Variants in SFRP1 observed in about 807,000 individuals in gnomAD.
The protein encoded by SFRP1 is secreted frizzled related protein 1.
A neutral mutation model predicts 25.9 loss-of-function variants in SFRP1; 9 were observed. The ratio of observed to expected loss-of-function variants is 0.35; its 90% CI spans 0.21 to 0.61. The LOEUF (loss-of-function observed/expected upper bound fraction) is 0.61, where lower values mean the gene tolerates loss of function less well. Among genes scored for constraint, SFRP1 ranks in the 20% least tolerant of loss-of-function variants. The probability of loss-of-function intolerance (pLI) is 0.78; values close to 1 mark genes in which losing one functional copy is unlikely to be tolerated. For synonymous variants in SFRP1, 178 were observed against 174.0 expected (o/e 1.02, Z -0.18); for missense variants, 346 against 418.2 (o/e 0.83, Z 1.51).
intron 2 of SFRP1, among the ~76,000 whole-genome samples, chr8:41,293,139 A>G (rs1040611181): frequency 2.6e-5 from 4 of 152,182 alleles, no homozygotes; most frequent in Admixed American, 6.5e-5. Context: ...CCTCACAGCT[A>G]TGCACTCCCT....
At chr8:41,300,089 C>A (rs1398410564) in intron 2 of SFRP1, among the ~76,000 whole-genome samples, 1 of 152,308 alleles carries the variant, frequency 6.6e-6, no homozygotes, top group South Asian at 2.1e-4. Flanking sequence ...AACTGCCCGT[C>A]AGAGTAAAAC....
intron 2 of SFRP1, among the ~76,000 whole-genome samples, chr8:41,300,574 T>C (rs541607022): frequency 3.3e-5 from 5 of 152,298 alleles, no homozygotes; most frequent in Admixed American, 6.5e-5. Context: ...GAGGCAGGAA[T>C]TAACCTCACC....
intron 2 of SFRP1, among the ~76,000 whole-genome samples, chr8:41,270,020 C>T (rs1183988713): frequency 1.3e-5 from 2 of 152,208 alleles, no homozygotes; most frequent in African/African-American, 4.8e-5. Flanking sequence ...CCCCTCAACC[C>T]TAAGTGCCGA....
At chr8:41,291,063 G>C (rs985393441) in intron 2 of SFRP1, among the ~76,000 whole-genome samples, 5 of 150,888 alleles carry the variant, frequency 3.3e-5, no homozygotes, top group African/African-American at 1.2e-4. Flanking sequence ...CCCGCCACCA[G>C]GCCCCGCTAT....
At chr8:41,268,874 T>C (rs1440804495) in intron 2 of SFRP1, among the ~76,000 whole-genome samples, 1 of 152,336 alleles carries the variant, frequency 6.6e-6, no homozygotes, top group Non-Finnish European at 1.5e-5. Flanking sequence ...GCCCCAGCGA[T>C]GTTGCCCATG....
At chr8:41,300,957 T>A (rs567398706) in intron 2 of SFRP1, among the ~76,000 whole-genome samples, 3 of 152,202 alleles carry the variant, frequency 2.0e-5, no homozygotes, top group Admixed American at 2.0e-4. Context: ...GGGGAAAAAA[T>A]GTGCCCTGAA....
At chr8:41,302,032 T>C (rs1179052241) in intron 2 of SFRP1, among the ~76,000 whole-genome samples, 2 of 152,232 alleles carry the variant, frequency 1.3e-5, no homozygotes, top group Non-Finnish European at 2.9e-5. Context: ...ATCCTCCAAC[T>C]TCTGTCTTTT....
intron 1 of SFRP1, 114 bp downstream of exon 1, chr8:41,308,502 G>T: frequency 1.2e-6 from 1 of 843,034 alleles, no homozygotes; most frequent in Non-Finnish European, 1.8e-6. Flanking sequence ...CGGGCCCTCA[G>T]TCCCCAGCAC....
At chr8:41,273,695 G>A (rs185615163) in intron 2 of SFRP1, among the ~76,000 whole-genome samples, 1 of 152,244 alleles carries the variant, frequency 6.6e-6, no homozygotes, top group Admixed American at 6.5e-5. Context: ...GGAAAAGGAA[G>A]GCTTAGGATG....
chr8:41,287,170 T>A (rs1803715630), intron 2 of SFRP1, among the ~76,000 whole-genome samples: 1 of 152,168 alleles, frequency 6.6e-6, no homozygotes, highest in African/African-American at 2.4e-5. Flanking sequence ...GGCCCTCACA[T>A]CTGTTTTCTT....
chr8:41,309,005 T>C lies in SFRP1; in HGVS notation c.155A>G (p.Tyr52Cys), dbSNP rs749781995. ...DIGPYQSGRF[Y>C]TKPPQCVDIP... Reference sequence around the variant, plus strand: ...GTCCACGCACTGAGGTGGCTTGGTGTAGAAGCGCCCGCTCTGGTACGGGCC... The same window carrying C: ...GTCCACGCACTGAGGTGGCTTGGTGCAGAAGCGCCCGCTCTGGTACGGGCC... The change falls in exon 1 of 3, where the codon TAC becomes TGC. Residue 52 changes from tyrosine to cysteine, a missense_variant. Physicochemically the swap from Tyr to Cys is radical, Grantham distance 194. Transcript: ENST00000220772. The C allele has an allele frequency of 1.2e-6, 2 of 1,612,290 alleles. No individual in the cohort carries two copies. Among genetic ancestry groups the C allele is most frequent in the African/African-American group, 2.7e-5 (2 of 74,936 alleles).
At chr8:41,273,424 A>C (rs1294482005) in intron 2 of SFRP1, among the ~76,000 whole-genome samples, 1 of 152,122 alleles carries the variant, frequency 6.6e-6, no homozygotes, top group Admixed American at 6.5e-5. Flanking sequence ...CTCGGGAGGC[A>C]GAGGCTGCAG....
chr8:41,295,237 T>C (rs1803829262), intron 2 of SFRP1, among the ~76,000 whole-genome samples: 1 of 152,112 alleles, frequency 6.6e-6, no homozygotes, highest in South Asian at 2.1e-4. Flanking sequence ...GGTGCGTGCC[T>C]GTAATCCCAG....
chr8:41,283,186 C>T (rs923390816), intron 2 of SFRP1, among the ~76,000 whole-genome samples: 1 of 152,088 alleles, frequency 6.6e-6, no homozygotes, highest in Non-Finnish European at 1.5e-5. Flanking sequence ...TTTCTCCTTC[C>T]CTTTGCTACA....
intron 2 of SFRP1, among the ~76,000 whole-genome samples, chr8:41,299,095 C>T (rs550601641): frequency 1.6e-4 from 24 of 152,100 alleles, no homozygotes; most frequent in African/African-American, 5.3e-4. Context: ...ACCGCCTACC[C>T]CCCCAACCCC....
chr8:41,291,691 T>A (rs928833177), intron 2 of SFRP1, among the ~76,000 whole-genome samples: 1 of 152,078 alleles, frequency 6.6e-6, no homozygotes, highest in Non-Finnish European at 1.5e-5. Context: ...TCACACCCCA[T>A]GACCATTTTC....
intron 2 of SFRP1, among the ~76,000 whole-genome samples, chr8:41,303,166 C>T (rs1803949545): frequency 6.6e-6 from 1 of 151,872 alleles, no homozygotes; most frequent in Admixed American, 6.6e-5. Context: ...TGCTGTCCTT[C>T]CCTGCTCCTC....
intron 2 of SFRP1, among the ~76,000 whole-genome samples, chr8:41,283,241 G>A (rs1007047734): frequency 6.6e-6 from 1 of 152,166 alleles, no homozygotes; most frequent in South Asian, 2.1e-4. Flanking sequence ...TAGACCACCA[G>A]GTAGGCGTCA....
intron 2 of SFRP1, among the ~76,000 whole-genome samples, chr8:41,267,459 C>T (rs1488446529): frequency 6.6e-6 from 1 of 152,166 alleles, no homozygotes; most frequent in Non-Finnish European, 1.5e-5. Flanking sequence ...TTTCTAGGTG[C>T]CAGTCACCAG....
Sources: gnomAD v4.1 joint callset for allele counts (sites outside exome capture counted in the v4.1 genomes callset) on GRCh38, gnomAD v4.1.1 for gene constraint, MANE v1.5 for transcripts, NCBI Gene and HGNC (gene_info 2026-07-23, HGNC 2026-07-21) for gene names.